The following TMTC1 variants were observed in gnomAD, a reference collection of about 807,000 sequenced individuals.
TMTC1 encodes protein O-mannosyl-transferase TMTC1.
A neutral mutation model predicts 104.8 loss-of-function variants in TMTC1; 73 were observed. The observed-to-expected ratio is 0.70, with a 90% CI of 0.58 to 0.85. TMTC1 has a LOEUF of 0.85. TMTC1 is among the 40% of genes least tolerant of loss of function. TMTC1 has a pLI of 0.00. For missense variants in TMTC1, 1,035 were observed against 1,096.1 expected, an observed-to-expected ratio of 0.94 and a Z score of 0.79; for synonymous variants, 434 against 428.7, an observed-to-expected ratio of 1.01 and a Z score of -0.15.
chr12:29,709,754 G>A (rs1941847619), intron 5 of TMTC1, among the ~76,000 whole-genome samples: 1 of 152,180 alleles, frequency 6.6e-6, no homozygotes. Flanking sequence ...TTTCCAAAAT[G>A]TGTTTAAAAT....
At chr12:29,518,809 T>C (rs987941132) in intron 12 of TMTC1, among the ~76,000 whole-genome samples, 3 of 152,240 alleles carry the variant, frequency 2.0e-5, no homozygotes, top group African/African-American at 7.2e-5. Flanking sequence ...TCATTCATAC[T>C]TCCAAAAAAA....
intron 11 of TMTC1, chr12:29,535,017 A>G (rs1432818073): frequency 6.6e-6 from 1 of 152,242 alleles, no homozygotes; most frequent in Non-Finnish European, 1.5e-5. Context: ...TATCTGGAAG[A>G]GAAGTGCTGC....
intron 5 of TMTC1, among the ~76,000 whole-genome samples, chr12:29,697,460 T>A (rs377292201): frequency 3.3e-5 from 5 of 152,370 alleles, no homozygotes; most frequent in South Asian, 2.1e-4. Flanking sequence ...AAAGTAACTA[T>A]CTTTTCAAAT....
At chr12:29,669,458 C>A (rs10771560) in intron 5 of TMTC1, among the ~76,000 whole-genome samples, 1 of 151,966 alleles carries the variant, frequency 6.6e-6, no homozygotes, top group Admixed American at 6.6e-5. Flanking sequence ...GTAGAGTGCC[C>A]ACTCTGAAGT....
intron 6 of TMTC1, among the ~76,000 whole-genome samples, chr12:29,611,998 A>G (rs1160583452): frequency 1.3e-5 from 2 of 152,212 alleles, no homozygotes; most frequent in African/African-American, 2.4e-5. Flanking sequence ...AGGGCCAGAG[A>G]GCATGAGAGA....
chr12:29,693,438 A>G (rs998937168), intron 5 of TMTC1, among the ~76,000 whole-genome samples: 5 of 110,292 alleles, frequency 4.5e-5, no homozygotes, highest in Non-Finnish European at 9.7e-5. Flanking sequence ...TAGTCAGTCT[A>G]TAGTTCTATA....
At chr12:29,537,615 C>T (rs1944680547) in intron 10 of TMTC1, among the ~76,000 whole-genome samples, 1 of 152,140 alleles carries the variant, frequency 6.6e-6, no homozygotes, top group South Asian at 2.1e-4. Context: ...TCTCAGGCCC[C>T]ATCCAGACCT....
intron 5 of TMTC1, among the ~76,000 whole-genome samples, chr12:29,690,473 A>C (rs1941234192): frequency 6.6e-6 from 1 of 152,220 alleles, no homozygotes; most frequent in Non-Finnish European, 1.5e-5. Flanking sequence ...TTGGTTCATA[A>C]ACTGGGACTA....
In TMTC1 at chr12:29,677,057, C is replaced by T. The variant is rs535824702; in HGVS notation, c.939-43721G>A. Among the ~76,000 whole-genome samples, 12 of 152,310 alleles carry T rather than the reference C, an allele frequency of 7.9e-5. No individual in the cohort carries two copies. In the South Asian group the frequency reaches 2.5e-3, roughly 32 times the overall value. On this transcript the variant is annotated intron_variant, in intron 5 of 17. Transcript: ENST00000539277. ...AAGTACTGACAGGCACACAGATATC[C>T]CTCTGCCTAAAAGCATTTATCATTT...
intron 7 of TMTC1, among the ~76,000 whole-genome samples, chr12:29,592,778 C>T (rs1203195148): frequency 6.6e-6 from 1 of 152,114 alleles, no homozygotes; most frequent in African/African-American, 2.4e-5. Context: ...TGCACCATGC[C>T]TGATACACAC....
chr12:29,549,462 A>G (rs1945037423), intron 10 of TMTC1, among the ~76,000 whole-genome samples: 1 of 152,138 alleles, frequency 6.6e-6, no homozygotes, highest in Non-Finnish European at 1.5e-5. Flanking sequence ...GAATAATTAT[A>G]AGAGCACATA....
intron 5 of TMTC1, among the ~76,000 whole-genome samples, chr12:29,726,407 C>G (rs1942391747): frequency 6.6e-6 from 1 of 152,120 alleles, no homozygotes; most frequent in Admixed American, 6.6e-5. Flanking sequence ...TACAGAGATT[C>G]CAAGCCATCT....
intron 9 of TMTC1, among the ~76,000 whole-genome samples, chr12:29,560,228 C>T (rs73071519): frequency 6.6e-6 from 1 of 152,096 alleles, no homozygotes; most frequent in Non-Finnish European, 1.5e-5. Context: ...TCCAGAAAAC[C>T]TCAACAAAAG....
chr12:29,577,244 T>TAA, intron 8 of TMTC1, among the ~76,000 whole-genome samples: 1 of 152,276 alleles, frequency 6.6e-6, no homozygotes, highest in East Asian at 1.9e-4. Context: ...ATCTTGTGCT[T>TAA]TACCATTTAC....
At chr12:29,722,906 G>A (rs1441518920) in intron 5 of TMTC1, among the ~76,000 whole-genome samples, 10 of 124,876 alleles carry the variant, frequency 8.0e-5, no homozygotes, top group African/African-American at 1.2e-4. Flanking sequence ...GAGCAACAGA[G>A]CAAGACTCTG....
At chr12:29,635,813 G>A (rs763269265) in intron 5 of TMTC1, among the ~76,000 whole-genome samples, 2 of 152,190 alleles carry the variant, frequency 1.3e-5, no homozygotes, top group Non-Finnish European at 2.9e-5. Context: ...GGGAAACAAA[G>A]GGCCCAGATT....
intron 5 of TMTC1, among the ~76,000 whole-genome samples, chr12:29,749,886 C>T (rs1307435185): frequency 6.6e-6 from 1 of 151,938 alleles, no homozygotes; most frequent in African/African-American, 2.4e-5. Flanking sequence ...TATCTCAAAT[C>T]CACCTCATCT....
intron 1 of TMTC1, among the ~76,000 whole-genome samples, chr12:29,772,603 T>C (rs570054160): frequency 4.6e-5 from 7 of 152,288 alleles, no homozygotes; most frequent in South Asian, 4.1e-4. Context: ...ACTTTTAATA[T>C]GCAAAGTACT....
intron 10 of TMTC1, among the ~76,000 whole-genome samples, chr12:29,547,285 C>A (rs930288390): frequency 2.0e-5 from 3 of 152,142 alleles, no homozygotes; most frequent in Admixed American, 6.5e-5. Flanking sequence ...GTGTTTACTG[C>A]AGTCATTACA....
Sources: allele counts gnomAD v4.1 joint callset (sites outside exome capture counted in the v4.1 genomes callset), GRCh38; gene constraint gnomAD v4.1.1; transcripts MANE v1.5; gene names NCBI Gene and HGNC (gene_info 2026-07-23, HGNC 2026-07-21).